The following INPP5A variants were observed in gnomAD, a reference collection of about 807,000 sequenced individuals.
INPP5A encodes the protein 43 kDa inositol polyphosphate 5-phophatase.
Under a neutral mutation model 65.2 loss-of-function variants are expected in INPP5A, and 14 were observed. That is an observed-to-expected ratio of 0.21 (90% CI 0.14 to 0.34). The LOEUF is 0.34. Ranked by LOEUF, INPP5A falls within the 10% of genes least tolerant of loss-of-function variation. The pLI is 1.00. For missense variants in INPP5A, 431 were observed against 545.6 expected (o/e 0.79, Z 2.09); for synonymous variants, 207 against 208.3 (o/e 0.99, Z 0.05).
Position 132,555,865 on chromosome 10 carries a change from C to T in INPP5A, c.75+17694C>T, listed in dbSNP as rs368186848. Among the ~76,000 whole-genome samples, 2 of 152,114 alleles carry T rather than the reference C, an allele frequency of 1.3e-5. No individual in the cohort carries two copies. The highest frequency in any genetic ancestry group is 6.5e-5 in the Admixed American group (1 of 15,272). On this transcript the variant is annotated intron_variant, in intron 1 of 15. Transcript: ENST00000368594. The surrounding 1 kb of genome is among the most constrained non-coding windows in gnomAD (Gnocchi z 4.4). ...TGGCAGCTGCTGCATTAGGAATCTG[C>T]GTCACAGATGAAAAACACGCGTTTC...
intron 1 of INPP5A, among the ~76,000 whole-genome samples, chr10:132,579,702 A>T (rs2071457259): frequency 6.6e-6 from 1 of 151,926 alleles, no homozygotes; most frequent in African/African-American, 2.4e-5. Context: ...AGGCTGGGAG[A>T]TGATACTCTG....
intron 3 of INPP5A, among the ~76,000 whole-genome samples, chr10:132,648,777 C>T (rs1218065302): frequency 6.6e-6 from 1 of 152,122 alleles, no homozygotes; most frequent in Admixed American, 6.5e-5. Flanking sequence ...TATAATGTGC[C>T]CTTTCCTCCA....
At chr10:132,721,820 G>A (rs1427068878) in intron 8 of INPP5A, among the ~76,000 whole-genome samples, 1 of 151,726 alleles carries the variant, frequency 6.6e-6, no homozygotes. Context: ...TTCTGTCTGG[G>A]GGCGCCTTAG....
intron 9 of INPP5A, among the ~76,000 whole-genome samples, chr10:132,742,545 CCA>C (rs1846293634): frequency 6.6e-6 from 1 of 152,234 alleles, no homozygotes; most frequent in Non-Finnish European, 1.5e-5. Flanking sequence ...AGTCCGGCGC[CCA>C]GTCAGGCTGT....
In INPP5A at chr10:132,555,284, C is replaced by T. The variant is rs1432861738; in HGVS notation, c.75+17113C>T. On this transcript the variant is annotated intron_variant, in intron 1 of 15. Transcript: ENST00000368594. The surrounding 1 kb of genome is among the most constrained non-coding windows in gnomAD (Gnocchi z 4.4). ...GTGCTGGGGAAGGGCGCTCCTGATC[C>T]CTCTGTGAGACCAGTGAGAAGATGT... Among the ~76,000 whole-genome samples, 2 of 152,010 alleles carry T rather than the reference C, an allele frequency of 1.3e-5. No homozygotes were observed. The highest frequency in any genetic ancestry group is 2.9e-5 in the Non-Finnish European group (2 of 67,978).
In INPP5A at chr10:132,549,013, G is replaced by A. The variant is rs1303728636; in HGVS notation, c.75+10842G>A. On this transcript the variant is annotated intron_variant, in intron 1 of 15. Coordinates refer to ENST00000368594, the MANE Select transcript of INPP5A (RefSeq NM_005539.5). The surrounding 1 kb of genome is among the most constrained non-coding windows in gnomAD (Gnocchi z 4.9). ...TCGCTATGTTGCCCAGGCTGGTCTCGAATTCCTGGCCTCAAGTGATCCTCC... is the reference window on the plus strand; with the variant it reads ...TCGCTATGTTGCCCAGGCTGGTCTCAAATTCCTGGCCTCAAGTGATCCTCC... Among the ~76,000 whole-genome samples, 2 of 151,912 alleles carry A rather than the reference G, an allele frequency of 1.3e-5. No homozygotes were observed. The highest frequency in any genetic ancestry group is 1.9e-4 in the East Asian group (1 of 5,188).
At chr10:132,716,137 A>AG (rs1845735384) in intron 8 of INPP5A, among the ~76,000 whole-genome samples, 1 of 152,224 alleles carries the variant, frequency 6.6e-6, no homozygotes, top group Admixed American at 6.5e-5. Flanking sequence ...ATGCAGGGGC[A>AG]GCGCCTGCAC....
At chr10:132,619,216 G>A (rs746642822) in intron 2 of INPP5A, among the ~76,000 whole-genome samples, 20 of 152,192 alleles carry the variant, frequency 1.3e-4, no homozygotes, top group Non-Finnish European at 8.8e-5. Flanking sequence ...ATAGGTATTG[G>A]GTAAACATTT....
At chr10:132,657,343 G>C (rs187925822) in intron 4 of INPP5A, among the ~76,000 whole-genome samples, 1 of 152,254 alleles carries the variant, frequency 6.6e-6, no homozygotes, top group Non-Finnish European at 1.5e-5. Context: ...GACTCTGCTC[G>C]CGCCTTGGTG....
intron 1 of INPP5A, among the ~76,000 whole-genome samples, chr10:132,604,434 G>A (rs113564514): frequency 0.023 from 3,551 of 152,298 alleles, 50 homozygotes; most frequent in South Asian, 0.039. Flanking sequence ...GCTCAGGAGC[G>A]AGGATGCAGT....
intron 4 of INPP5A, among the ~76,000 whole-genome samples, chr10:132,688,858 G>A (rs1231528680): frequency 6.6e-6 from 1 of 152,012 alleles, no homozygotes; most frequent in Non-Finnish European, 1.5e-5. Context: ...GTGCGTGTGT[G>A]CATGAGTTAG....
intron 2 of INPP5A, among the ~76,000 whole-genome samples, chr10:132,624,407 C>T (rs778190090): frequency 1.3e-5 from 2 of 152,190 alleles, no homozygotes; most frequent in Non-Finnish European, 2.9e-5. Flanking sequence ...TTCACACCGG[C>T]GCGCCCTCAC....
rs142127643 is a variant in INPP5A, at chr10:132,702,839, G to A, written c.474+4920G>A. ...TGTCCTAGCAGAGGATGTGGACAGCGCCTGCACCCAGGAAGTGGGCTGTGG... is the reference window on the plus strand; with the variant it reads ...TGTCCTAGCAGAGGATGTGGACAGCACCTGCACCCAGGAAGTGGGCTGTGG... On this transcript the variant is annotated intron_variant, in intron 6 of 15. Transcript: ENST00000368594. Among the ~76,000 whole-genome samples the A allele has an allele frequency of 9.5e-4, 145 of 152,348 alleles. 1 individual carries two copies. In the South Asian group the frequency reaches 0.016, roughly 17 times the overall value.
rs574812738 is a variant in INPP5A at position 132,749,935 on chromosome 10, C to G, written c.903+90C>G. On this transcript the variant is annotated intron_variant, in intron 11 of 15. Transcript: ENST00000368594. ...ATTACCTCTGCTTACCTGGGACCAC[C>G]CTGCCTTGTCCCTGCCACCTCCAGG... 11 of 1,111,108 alleles carry G rather than the reference C, an allele frequency of 9.9e-6. No homozygotes were observed. The Admixed American group carries it at 1.4e-4, about 14-fold the overall frequency. 68.8% of individuals were successfully genotyped at this position (1,111,108 alleles called of 1,614,324 possible).
rs566084421 is a variant in INPP5A at position 132,678,928 on chromosome 10, G to T, written c.307-11464G>T. Reference sequence around the variant, plus strand: ...AGCAGAGGTACCCTCCTGACAGAAGGGCGCAGCCTCCTCAGGCCCAGATGG... The same window carrying T: ...AGCAGAGGTACCCTCCTGACAGAAGTGCGCAGCCTCCTCAGGCCCAGATGG... On this transcript the variant is annotated intron_variant, in intron 4 of 15. Transcript: ENST00000368594. The surrounding 1 kb of genome is among the most constrained non-coding windows in gnomAD (Gnocchi z 4.1). 2.0e-5 allele frequency among the ~76,000 whole-genome samples: 3 copies of T among 152,352 alleles called. No homozygotes were observed. Among genetic ancestry groups the T allele is most frequent in the Admixed American group, 2.0e-4 (3 of 15,308 alleles).
rs1473184030 is a variant in INPP5A at position 132,651,372 on chromosome 10, T to C, written c.306+867T>C. 7.3e-6 allele frequency among the ~76,000 whole-genome samples: 1 copy of C among 136,126 alleles called. No homozygotes were observed. Among genetic ancestry groups the C allele is most frequent in the African/African-American group, 2.8e-5 (1 of 35,414 alleles). 89.3% of individuals were successfully genotyped at this position (136,126 alleles called of 152,430 possible). ...TGGGGAGGCCCTGGGTCCCCCGGCC[T>C]GGGTCCATCTCCCCCGTCTCTGGGG... On this transcript the variant is annotated intron_variant, in intron 4 of 15. Transcript: ENST00000368594. The surrounding 1 kb of genome is among the most constrained non-coding windows in gnomAD (Gnocchi z 5.0).
chr10:132,643,407 G>A (rs1194015901), intron 2 of INPP5A, among the ~76,000 whole-genome samples: 1 of 152,096 alleles, frequency 6.6e-6, no homozygotes, highest in East Asian at 1.9e-4. Context: ...AGGCTGAGGT[G>A]GGAGATCACT....
In INPP5A at chr10:132,727,174, A is replaced by G. The variant is rs1846001234; in HGVS notation, c.732+269A>G. 3 of 327,924 alleles carry G rather than the reference A, an allele frequency of 9.1e-6. No individual in the cohort carries two copies. Among genetic ancestry groups the G allele is most frequent in the Non-Finnish European group, 1.7e-5 (3 of 177,906 alleles). The allele number at this position is 327,924 out of a possible 1,614,324, so 20.3% of individuals were successfully genotyped here. A position where few individuals can be genotyped will look rare whatever the true frequency, so the allele number is the denominator to read the frequency against. Reference sequence around the variant, plus strand: ...TTGCCCTGTGGCTTCCGCCGTCGGCACACAAGGAGCTGCTGGAGTGCCGTC... The same window carrying G: ...TTGCCCTGTGGCTTCCGCCGTCGGCGCACAAGGAGCTGCTGGAGTGCCGTC... On this transcript the variant is annotated intron_variant, in intron 9 of 15. Transcript: ENST00000368594. This position sits in a 1 kb window ranked among gnomAD's most constrained non-coding sequence, Gnocchi z 6.5.
intron 2 of INPP5A, among the ~76,000 whole-genome samples, chr10:132,612,695 G>A (rs11813436): frequency 1.3e-5 from 2 of 152,326 alleles, no homozygotes; most frequent in South Asian, 2.1e-4. Context: ...CGTGGCCCTC[G>A]GCTGTGAGGG....
Sources: allele counts gnomAD v4.1 joint callset (sites outside exome capture counted in the v4.1 genomes callset), GRCh38; gene constraint gnomAD v4.1.1; non-coding constraint Gnocchi (gnomAD v3.1); transcripts MANE v1.5; gene names NCBI Gene and HGNC (gene_info 2026-07-23, HGNC 2026-07-21).